Variants in CCDC81 observed in about 807,000 individuals in gnomAD.
CCDC81 encodes coiled-coil domain containing 81.
A neutral mutation model predicts 83.7 loss-of-function variants in CCDC81; 79 were observed. The ratio of observed to expected loss-of-function variants is 0.94; its 90% CI spans 0.79 to 1.14. CCDC81 has a LOEUF of 1.14. CCDC81 is among the 50% of genes most tolerant of loss of function. The probability of loss-of-function intolerance (pLI) is 0.00; values close to 1 mark genes in which losing one functional copy is unlikely to be tolerated. For synonymous variants in CCDC81, 252 were observed against 278.1 expected, an observed-to-expected ratio of 0.91 and a Z score of 0.93; for missense variants, 791 against 778.1, an observed-to-expected ratio of 1.02 and a Z score of -0.20.
chr11:86,379,903 G>C (rs1948153547), intron 1 of CCDC81, among the ~76,000 whole-genome samples: 1 of 152,194 alleles, frequency 6.6e-6, no homozygotes, highest in African/African-American at 2.4e-5. Context: ...AGGGCTGCTT[G>C]AGAGCCTAGC....
In CCDC81 at chr11:86,422,740, C is replaced by T; in HGVS notation, c.*25C>T. 1 of 1,605,940 alleles carries T rather than the reference C, an allele frequency of 6.2e-7. No individual in the cohort carries two copies. Among genetic ancestry groups the T allele is most frequent in the Non-Finnish European group, 8.5e-7 (1 of 1,174,510 alleles). On this transcript the variant is annotated 3_prime_UTR_variant, in exon 15 of 15. Coordinates refer to ENST00000445632, the MANE Select transcript of CCDC81 (RefSeq NM_001156474.2). ...AAACTCAAAGTTTGGCTCTTCGTTT[C>T]CCGGGGAAAGTTTTTATCTTTTACA...
chr11:86,386,028 T>G (rs1948236756), intron 1 of CCDC81, 23 bp from the exon 2 acceptor site: 1 of 1,381,330 alleles, frequency 7.2e-7, no homozygotes, highest in Non-Finnish European at 1.0e-6. Flanking sequence ...ATTGAATAAT[T>G]TCTGGTTACT....
At chr11:86,384,842 C>T (rs373509733) in intron 1 of CCDC81, among the ~76,000 whole-genome samples, 18 of 152,200 alleles carry the variant, frequency 1.2e-4, no homozygotes, top group Admixed American at 4.6e-4. Flanking sequence ...TCTGGAAGGG[C>T]GATGTTAACA....
At position 86,375,366 on chromosome 11, in the gene CCDC81, T is replaced by C. The variant is rs983787553; in HGVS notation, c.79+124T>C. 6.3e-5 allele frequency: 47 copies of C among 740,634 alleles called. No individual in the cohort carries two copies. The African/African-American group carries it at 7.9e-4, about 12-fold the overall frequency. 45.9% of individuals were successfully genotyped at this position (740,634 alleles called of 1,614,324 possible). ...CCTGGCCTGCCGTGGCTAAGTTGCCTTGACAACCAGCTGGTAATCACATCC... is the reference window on the plus strand; with the variant it reads ...CCTGGCCTGCCGTGGCTAAGTTGCCCTGACAACCAGCTGGTAATCACATCC... On this transcript the variant is annotated intron_variant, in intron 1 of 14. Coordinates refer to ENST00000445632, the MANE Select transcript of CCDC81 (RefSeq NM_001156474.2).
intron 5 of CCDC81, 108 bp downstream of exon 5, chr11:86,395,521 T>G: frequency 1.2e-6 from 1 of 812,528 alleles, no homozygotes; most frequent in Non-Finnish European, 2.1e-6. Flanking sequence ...TTCCTTTTAA[T>G]GTATTCTGTC....
At chr11:86,380,437 T>C (rs1160261773) in intron 1 of CCDC81, among the ~76,000 whole-genome samples, 1 of 152,168 alleles carries the variant, frequency 6.6e-6, no homozygotes. Context: ...GTATCTTTTT[T>C]TGGGTATTTA....
At chr11:86,376,783 T>C (rs890151441) in intron 1 of CCDC81, among the ~76,000 whole-genome samples, 2 of 152,228 alleles carry the variant, frequency 1.3e-5, no homozygotes, top group African/African-American at 4.8e-5. Flanking sequence ...TGTGTTACAA[T>C]TGAACCTACA....
At chr11:86,376,847 G>T (rs897760391) in intron 1 of CCDC81, among the ~76,000 whole-genome samples, 1 of 152,132 alleles carries the variant, frequency 6.6e-6, no homozygotes, top group African/African-American at 2.4e-5. Context: ...TTCTTTCTTG[G>T]TGTTGTACAT....
chr11:86,390,327 A>G lies in CCDC81; in HGVS notation c.299-2214A>G, dbSNP rs1406769950. Among the ~76,000 whole-genome samples, 3 of 152,172 alleles carry G rather than the reference A, an allele frequency of 2.0e-5. No individual in the cohort carries two copies. In the South Asian group the frequency reaches 6.2e-4, roughly 32 times the overall value. ...ATGAACAAGTCAAGAACATGGAATG[A>G]AGCCTGTTAAGGAAGTAACGGGTAC... On this transcript the variant is annotated intron_variant, in intron 3 of 14. Coordinates refer to ENST00000445632, the MANE Select transcript of CCDC81 (RefSeq NM_001156474.2).
At chr11:86,417,576 T>C (rs1018377594) in intron 13 of CCDC81, among the ~76,000 whole-genome samples, 15 of 152,066 alleles carry the variant, frequency 9.9e-5, no homozygotes, top group Non-Finnish European at 2.9e-5. Context: ...ATCTATAATA[T>C]AGATGTATAA....
intron 1 of CCDC81, among the ~76,000 whole-genome samples, chr11:86,379,976 A>G (rs1948154707): frequency 6.6e-6 from 1 of 150,478 alleles, no homozygotes; most frequent in Non-Finnish European, 1.5e-5. Context: ...ACAAAATGAG[A>G]CCCTGTCTCA....
At chr11:86,417,261 T>A (rs1948732720) in intron 13 of CCDC81, among the ~76,000 whole-genome samples, 1 of 148,522 alleles carries the variant, frequency 6.7e-6, no homozygotes. Context: ...AGGTTAATAA[T>A]CTCCCCTACT....
At chr11:86,390,841 ACATGCTG>A (rs1948318895) in intron 3 of CCDC81, among the ~76,000 whole-genome samples, 1 of 152,214 alleles carries the variant, frequency 6.6e-6, no homozygotes, top group Non-Finnish European at 1.5e-5. Context: ...TTGCTTTTGC[ACATGCTG>A]AATTTGAGAT....
rs562251691 is a variant in CCDC81 at position 86,415,438 on chromosome 11, T to C, written c.1691+125T>C. On this transcript the variant is annotated intron_variant, in intron 13 of 14. Transcript: ENST00000445632. ...TACAATAGTGGAGAAATAAGAATAA[T>C]AGCTAACACACTGAGGAGTTATTTG... 119 of 709,616 alleles carry C rather than the reference T, an allele frequency of 1.7e-4. 1 individual carries two copies. In the African/African-American group the frequency reaches 1.9e-3, roughly 11 times the overall value. 44.0% of individuals were successfully genotyped at this position (709,616 alleles called of 1,614,324 possible).
rs763701490 is a variant in CCDC81 at position 86,387,671 on chromosome 11, T to C, written c.297T>C (p.Pro99=). The C allele has an allele frequency of 1.3e-6, 2 of 1,588,372 alleles. No homozygotes were observed. The highest frequency in any genetic ancestry group is 4.5e-5 in the East Asian group (2 of 44,718). The change falls in exon 3 of 15, where the codon CCT becomes CCC. Residue 99 remains proline, a splice_region_variant and synonymous_variant. Coordinates refer to ENST00000445632, the MANE Select transcript of CCDC81 (RefSeq NM_001156474.2). ...HGLKQNKVYT[P]GEIPIVPLNF... is the part of the protein sequence containing the mutation. ...TCAAACAAAACAAAGTATATACTCC[T>C]GGTAAATAATTCTGATATGTAGGAT...
chr11:86,399,736 T>C (rs1247277527), intron 6 of CCDC81, among the ~76,000 whole-genome samples: 1 of 152,148 alleles, frequency 6.6e-6, no homozygotes, highest in Non-Finnish European at 1.5e-5. Flanking sequence ...TACTCACCTT[T>C]TAGTACCCTT....
intron 14 of CCDC81, among the ~76,000 whole-genome samples, chr11:86,421,412 C>A (rs1948788229): frequency 6.6e-6 from 1 of 152,106 alleles, no homozygotes; most frequent in Non-Finnish European, 1.5e-5. Context: ...TGGGTTCATG[C>A]CATTCTCCTG....
At chr11:86,406,538 G>A (rs1230659065) in intron 7 of CCDC81, among the ~76,000 whole-genome samples, 2 of 152,142 alleles carry the variant, frequency 1.3e-5, no homozygotes, top group African/African-American at 4.8e-5. Context: ...CTGGCGCGGT[G>A]GCTCATGCCT....
intron 2 of CCDC81, among the ~76,000 whole-genome samples, chr11:86,386,510 T>C (rs1384192981): frequency 1.3e-5 from 2 of 152,152 alleles, no homozygotes; most frequent in Non-Finnish European, 2.9e-5. Context: ...TTAACTGAAA[T>C]AGAAGACTTG....
Sources: allele counts gnomAD v4.1 joint callset (sites outside exome capture counted in the v4.1 genomes callset), GRCh38; gene constraint gnomAD v4.1.1; transcripts MANE v1.5; gene names NCBI Gene and HGNC (gene_info 2026-07-23, HGNC 2026-07-21).